The following AAK1 variants were observed in gnomAD, a reference collection of about 807,000 sequenced individuals.
AAK1 encodes the protein AP2-associated protein kinase 1.
Under a neutral mutation model 116.0 loss-of-function variants are expected in AAK1, and 37 were observed. The ratio of observed to expected loss-of-function variants is 0.32; its 90% CI spans 0.25 to 0.42. The LOEUF (loss-of-function observed/expected upper bound fraction) is 0.42. Ranked by LOEUF, AAK1 falls within the 10% of genes least tolerant of loss-of-function variation. The pLI is 1.00. For synonymous variants in AAK1, 458 were observed against 439.9 expected, an observed-to-expected ratio of 1.04 and a Z score of -0.51; for missense variants, 919 against 1,170.6, an observed-to-expected ratio of 0.79 and a Z score of 3.14.
At chr2:69,573,914 G>A (rs949730540) in intron 2 of AAK1, among the ~76,000 whole-genome samples, 13 of 152,066 alleles carry the variant, frequency 8.5e-5, no homozygotes, top group African/African-American at 2.9e-4. Context: ...CAGGAGAATC[G>A]CCTGAACTTG....
chr2:69,624,410 A>C (rs1416863359), intron 2 of AAK1, among the ~76,000 whole-genome samples: 1 of 152,220 alleles, frequency 6.6e-6, no homozygotes, highest in African/African-American at 2.4e-5. Flanking sequence ...ACAGAAAGAG[A>C]GCTGCAATCT....
chr2:69,545,416 G>C (rs1670882755), intron 3 of AAK1, among the ~76,000 whole-genome samples: 1 of 152,140 alleles, frequency 6.6e-6, no homozygotes, highest in African/African-American at 2.4e-5. Flanking sequence ...TGCAAGGTAA[G>C]GTTTTATTTT....
At chr2:69,633,481 G>T (rs977961517) in intron 2 of AAK1, among the ~76,000 whole-genome samples, 5 of 151,226 alleles carry the variant, frequency 3.3e-5, no homozygotes, top group African/African-American at 1.2e-4. Context: ...CGCGCCTGCA[G>T]TACCAGCTAC....
At chr2:69,642,373 G>C (rs905175744) in intron 2 of AAK1, among the ~76,000 whole-genome samples, 2 of 152,120 alleles carry the variant, frequency 1.3e-5, no homozygotes, top group Non-Finnish European at 2.9e-5. Flanking sequence ...AATCCACCAA[G>C]AGCCTTGGCC....
chr2:69,493,606 G>A (rs796798063), intron 17 of AAK1, among the ~76,000 whole-genome samples: 7 of 152,124 alleles, frequency 4.6e-5, no homozygotes, highest in African/African-American at 1.7e-4. Context: ...AGACAGTGTC[G>A]TTGGCACAGC....
chr2:69,584,174 C>T (rs1397459871), intron 2 of AAK1, among the ~76,000 whole-genome samples: 1 of 152,338 alleles, frequency 6.6e-6, no homozygotes, highest in African/African-American at 2.4e-5. Flanking sequence ...GTTACCTTCT[C>T]TCCCTACCCC....
intron 10 of AAK1, among the ~76,000 whole-genome samples, chr2:69,523,290 C>T (rs1054488868): frequency 6.6e-6 from 1 of 152,116 alleles, no homozygotes; most frequent in African/African-American, 2.4e-5. Flanking sequence ...AAACAACTTC[C>T]AAAGAGGTGA....
In AAK1 at chr2:69,471,737, G is replaced by C. The variant is rs1238064917; in HGVS notation, c.*4132C>G. On this transcript the variant is annotated 3_prime_UTR_variant, in exon 22 of 22. Coordinates refer to ENST00000409085, the MANE Select transcript of AAK1 (RefSeq NM_014911.5). ...CTATAGCATGTATTTATTTAGCTGA[G>C]TGCAGATCCCTCCACATCATAGGCT... 1 of 985,340 alleles carries C rather than the reference G, an allele frequency of 1.0e-6. No homozygotes were observed. Among genetic ancestry groups the C allele is most frequent in the Non-Finnish European group, 1.2e-6 (1 of 829,962 alleles). 61.0% of individuals were successfully genotyped at this position (985,340 alleles called of 1,614,324 possible). A position where few individuals can be genotyped will look rare whatever the true frequency, so the allele number is the denominator to read the frequency against.
chr2:69,467,293 G>A lies in AAK1; in HGVS notation c.*8576C>T. 4 of 985,352 alleles carry A rather than the reference G, an allele frequency of 4.1e-6. No homozygotes were observed. Among genetic ancestry groups the A allele is most frequent in the South Asian group, 9.4e-5 (2 of 21,274 alleles). The allele number at this position is 985,352 out of a possible 1,614,324, so 61.0% of individuals were successfully genotyped here. Reference sequence around the variant, plus strand: ...TTAAGCAGAAGGAGTAAAATGCATGGGCCATTACAGAAGCATTAGCAAACT... The same window carrying A: ...TTAAGCAGAAGGAGTAAAATGCATGAGCCATTACAGAAGCATTAGCAAACT... On this transcript the variant is annotated 3_prime_UTR_variant, in exon 22 of 22. Transcript: ENST00000409085.
At chr2:69,506,098 TG>T (rs1676175761) in intron 15 of AAK1, among the ~76,000 whole-genome samples, 1 of 152,078 alleles carries the variant, frequency 6.6e-6, no homozygotes, top group African/African-American at 2.4e-5. Flanking sequence ...GTGGTGGAGA[TG>T]GCAATAATGA....
At chr2:69,497,751 T>A (rs1311430216) in intron 16 of AAK1, among the ~76,000 whole-genome samples, 1 of 152,100 alleles carries the variant, frequency 6.6e-6, no homozygotes, top group Non-Finnish European at 1.5e-5. Context: ...TTTGAAGTAA[T>A]ACAGAACCAC....
intron 3 of AAK1, among the ~76,000 whole-genome samples, chr2:69,548,024 A>C (rs1671001012): frequency 6.6e-6 from 1 of 152,206 alleles, no homozygotes; most frequent in Non-Finnish European, 1.5e-5. Flanking sequence ...TGTATGAGTC[A>C]ATTTATATGA....
chr2:69,509,176 C>T (rs1285900479), intron 14 of AAK1, 55 bp downstream of exon 14: 13 of 1,489,876 alleles, frequency 8.7e-6, no homozygotes, highest in East Asian at 4.5e-5. Flanking sequence ...CACTAACAGC[C>T]GCAGGCAGAC....
At chr2:69,551,275 T>TA (rs1671172544) in intron 3 of AAK1, among the ~76,000 whole-genome samples, 1 of 152,080 alleles carries the variant, frequency 6.6e-6, no homozygotes, top group South Asian at 2.1e-4. Flanking sequence ...TCAGGAAGAA[T>TA]AGCTAATGGA....
At chr2:69,580,764 T>C (rs1254140349) in intron 2 of AAK1, among the ~76,000 whole-genome samples, 3 of 152,244 alleles carry the variant, frequency 2.0e-5, no homozygotes, top group Non-Finnish European at 4.4e-5. Flanking sequence ...TCTTCTCACT[T>C]GATCTCAGCT....
At position 69,462,303 on chromosome 2, in the gene AAK1, G is replaced by A. The variant is rs1456082974; in HGVS notation, c.*13566C>T. The A allele has an allele frequency of 1.3e-5, 2 of 150,944 alleles. No individual in the cohort carries two copies. The highest frequency in any genetic ancestry group is 2.9e-5 in the Non-Finnish European group (2 of 67,824). The allele number at this position is 150,944 out of a possible 1,614,324, so 9.4% of individuals were successfully genotyped here. Reference sequence around the variant, plus strand: ...TTAGTGGGTGCAGCACACGAGCATGGCACATGTATACATATGTAACTAACC... The same window carrying A: ...TTAGTGGGTGCAGCACACGAGCATGACACATGTATACATATGTAACTAACC... On this transcript the variant is annotated 3_prime_UTR_variant, in exon 22 of 22. Coordinates refer to ENST00000409085, the MANE Select transcript of AAK1 (RefSeq NM_014911.5).
intron 2 of AAK1, among the ~76,000 whole-genome samples, chr2:69,588,954 T>C (rs928137431): frequency 1.3e-5 from 2 of 152,224 alleles, no homozygotes; most frequent in African/African-American, 4.8e-5. Context: ...TCCGTTGCTT[T>C]TTAGATGCCT....
chr2:69,509,093 AAAAT>A (rs1676294930), intron 14 of AAK1, 134 bp downstream of exon 14: 1 of 712,504 alleles, frequency 1.4e-6, no homozygotes, highest in African/African-American at 1.8e-5. Context: ...ACAAACCAGA[AAAAT>A]AAACAAACAC....
intron 2 of AAK1, among the ~76,000 whole-genome samples, chr2:69,559,908 T>G (rs574425212): frequency 6.6e-6 from 1 of 152,176 alleles, no homozygotes; most frequent in South Asian, 2.1e-4. Flanking sequence ...TCTTTGTAGG[T>G]AGCAAGATGA....
Sources: allele counts gnomAD v4.1 joint callset (sites outside exome capture counted in the v4.1 genomes callset), GRCh38; gene constraint gnomAD v4.1.1; transcripts MANE v1.5; gene names NCBI Gene and HGNC (gene_info 2026-07-23, HGNC 2026-07-21).